The following PLEKHA8 variants were observed in gnomAD, a reference collection of about 807,000 sequenced individuals.
PLEKHA8 encodes pleckstrin homology domain containing A8.
In PLEKHA8, 36 loss-of-function variants were observed where a neutral mutation model predicts 68.2. The ratio of observed to expected loss-of-function variants is 0.53; its 90% CI spans 0.40 to 0.70. The LOEUF (loss-of-function observed/expected upper bound fraction) is 0.70. PLEKHA8 is among the 30% of genes least tolerant of loss of function. PLEKHA8 has a pLI of 0.00. For missense variants in PLEKHA8, 505 were observed against 615.4 expected, an observed-to-expected ratio of 0.82 and a Z score of 1.90; for synonymous variants, 211 against 216.1, an observed-to-expected ratio of 0.98 and a Z score of 0.20.
intron 1 of PLEKHA8, among the ~76,000 whole-genome samples, chr7:30,032,232 A>G (rs887747146): frequency 2.6e-5 from 4 of 152,180 alleles, no homozygotes; most frequent in Non-Finnish European, 5.9e-5. Flanking sequence ...ACACATTAAT[A>G]CTCTAGAACG....
In PLEKHA8 at chr7:30,080,184, T is replaced by C. The variant is rs1794852654; in HGVS notation, c.*1397T>C. ...AAAGATGAGACTTAAGAAAACAGTTTCTTAAACTTCTTAAAACTTAAGAAA... is the reference window on the plus strand; with the variant it reads ...AAAGATGAGACTTAAGAAAACAGTTCCTTAAACTTCTTAAAACTTAAGAAA... On this transcript the variant is annotated 3_prime_UTR_variant, in exon 14 of 14. Transcript: ENST00000449726. 1.0e-6 allele frequency: 1 copy of C among 985,200 alleles called. No homozygotes were observed. Among genetic ancestry groups the C allele is most frequent in the African/African-American group, 1.7e-5 (1 of 57,232 alleles). 61.0% of individuals were successfully genotyped at this position (985,200 alleles called of 1,614,324 possible). A position where few individuals can be genotyped will look rare whatever the true frequency, so the allele number is the denominator to read the frequency against.
intron 13 of PLEKHA8, among the ~76,000 whole-genome samples, chr7:30,128,473 T>C (rs995056367): frequency 1.3e-5 from 2 of 152,272 alleles, no homozygotes; most frequent in Non-Finnish European, 2.9e-5. Flanking sequence ...TTGATTCCTA[T>C]ATTCACATTG....
chr7:30,052,520 G>T lies in PLEKHA8; in HGVS notation c.639-189G>T, dbSNP rs145407303. ...GCATGGTGGCAGGCACCTGTAGTCC[G>T]AGCTACTCAGGGTGGAGTGCTGGGC... On this transcript the variant is annotated intron_variant, in intron 6 of 13. Transcript: ENST00000449726. Among the ~76,000 whole-genome samples the T allele has an allele frequency of 1.4e-3, 212 of 151,828 alleles. 1 individual carries two copies. The highest frequency in any genetic ancestry group is 4.9e-3 in the African/African-American group (203 of 41,396).
chr7:30,086,835 C>G (rs996322271), downstream of PLEKHA8, among the ~76,000 whole-genome samples: 31 of 152,190 alleles, frequency 2.0e-4, no homozygotes, highest in African/African-American at 6.8e-4. Flanking sequence ...GAGCACATGT[C>G]CTGTGTGTGT....
intron 6 of PLEKHA8, among the ~76,000 whole-genome samples, chr7:30,051,923 A>G (rs1562865266): frequency 6.6e-6 from 1 of 152,178 alleles, no homozygotes; most frequent in South Asian, 2.1e-4. Flanking sequence ...CAGTGAGCCA[A>G]GATCACACCA....
At chr7:30,062,615 A>T in intron 11 of PLEKHA8, 57 bp from the exon 12 acceptor site, 2 of 1,268,000 alleles carry the variant, frequency 1.6e-6, no homozygotes, top group Non-Finnish European at 1.1e-6. Flanking sequence ...ATTTCTTTAT[A>T]CCCACTCAAC....
chr7:30,051,611 GT>G (rs1792414837), intron 6 of PLEKHA8, among the ~76,000 whole-genome samples: 1 of 152,174 alleles, frequency 6.6e-6, no homozygotes, highest in South Asian at 2.1e-4. Context: ...TTACCCTAAT[GT>G]GCTGACATTT....
chr7:30,089,774 T>A (rs1181631011), intron 12 of PLEKHA8, among the ~76,000 whole-genome samples: 1 of 151,920 alleles, frequency 6.6e-6, no homozygotes, highest in Non-Finnish European at 1.5e-5. Context: ...TTAGAAAACA[T>A]GAACTCAATA....
chr7:30,071,155 G>A (rs780052086), intron 12 of PLEKHA8, among the ~76,000 whole-genome samples: 3 of 151,974 alleles, frequency 2.0e-5, no homozygotes, highest in Non-Finnish European at 4.4e-5. Flanking sequence ...TTTCAACAAC[G>A]GACATCAATC....
At position 30,079,788 on chromosome 7, in the gene PLEKHA8, A is replaced by G. The variant is rs1794831153; in HGVS notation, c.*1001A>G. On this transcript the variant is annotated 3_prime_UTR_variant, in exon 14 of 14. Transcript: ENST00000449726. The stretch of plus-strand genomic sequence containing the variant: ...TAGGTGGTGGGACATAGGAATCTGC[A>G]TTTCAGTAAACTTTACACGTGATTC... 16 of 835,768 alleles carry G rather than the reference A, an allele frequency of 1.9e-5. No homozygotes were observed. Among genetic ancestry groups the G allele is most frequent in the Middle Eastern group, 6.2e-4 (1 of 1,618 alleles). 51.8% of individuals were successfully genotyped at this position (835,768 alleles called of 1,614,324 possible). A position where few individuals can be genotyped will look rare whatever the true frequency, so the allele number is the denominator to read the frequency against.
chr7:30,116,063 TAC>T (rs1796523804), intron 13 of PLEKHA8: 1 of 143,234 alleles, frequency 7.0e-6, no homozygotes, highest in South Asian at 2.2e-4. Flanking sequence ...TACGTATGCA[TAC>T]GTATACATGT....
At position 30,047,821 on chromosome 7, in the gene PLEKHA8, T is replaced by G; in HGVS notation, c.314-11T>G. 1 of 1,608,106 alleles carries G rather than the reference T, an allele frequency of 6.2e-7. No individual in the cohort carries two copies. Among genetic ancestry groups the G allele is most frequent in the Non-Finnish European group, 8.5e-7 (1 of 1,176,654 alleles). The stretch of plus-strand genomic sequence containing the variant: ...TTCTGGTTACTGCATTATCATCATT[T>G]TGTCATTTAGAGTTTGCTGAAAACA... On this transcript the variant is annotated splice_polypyrimidine_tract_variant and intron_variant, in intron 3 of 13. Coordinates refer to ENST00000449726, the MANE Select transcript of PLEKHA8 (RefSeq NM_001197026.2).
Position 30,083,506 on chromosome 7 carries a change from A to G in PLEKHA8, c.*4719A>G. The G allele has an allele frequency of 1.0e-6, 1 of 985,272 alleles. No individual in the cohort carries two copies. Among genetic ancestry groups the G allele is most frequent in the Non-Finnish European group, 1.2e-6 (1 of 829,854 alleles). 61.0% of individuals were successfully genotyped at this position (985,272 alleles called of 1,614,324 possible). A position where few individuals can be genotyped will look rare whatever the true frequency, so the allele number is the denominator to read the frequency against. ...AGTCCTGTGTACAGTGACTATTTGCATGATTTCTCATTGCACTGCTGCATT... is the reference window on the plus strand; with the variant it reads ...AGTCCTGTGTACAGTGACTATTTGCGTGATTTCTCATTGCACTGCTGCATT... On this transcript the variant is annotated 3_prime_UTR_variant, in exon 14 of 14. Transcript: ENST00000449726.
At chr7:30,111,171 T>A (rs1796261972) in intron 13 of PLEKHA8, among the ~76,000 whole-genome samples, 1 of 152,180 alleles carries the variant, frequency 6.6e-6, no homozygotes. Flanking sequence ...CCCAAAGCAC[T>A]GGATTACACG....
At chr7:30,099,999 C>A (rs1404989322) in intron 13 of PLEKHA8, among the ~76,000 whole-genome samples, 1 of 152,294 alleles carries the variant, frequency 6.6e-6, no homozygotes, top group East Asian at 1.9e-4. Context: ...AGGGATCCTT[C>A]CTTACCTCTT....
At chr7:30,068,246 A>G (rs1015552345) in intron 12 of PLEKHA8, among the ~76,000 whole-genome samples, 8 of 152,234 alleles carry the variant, frequency 5.3e-5, no homozygotes, top group Non-Finnish European at 8.8e-5. Context: ...TGGAGACTAC[A>G]CTGGGAATTG....
chr7:30,056,724 CAAAA>C (rs1195453987), intron 9 of PLEKHA8, among the ~76,000 whole-genome samples: 1 of 39,890 alleles, frequency 2.5e-5, no homozygotes, highest in Non-Finnish European at 4.4e-5. Flanking sequence ...CAGCCTGTCT[CAAAA>C]AAAAAAAAAA....
chr7:30,120,054 G>A (rs1796669808), intron 13 of PLEKHA8, among the ~76,000 whole-genome samples: 1 of 151,532 alleles, frequency 6.6e-6, no homozygotes, highest in Non-Finnish European at 1.5e-5. Context: ...AGTCTTCTCT[G>A]TGCTATCAAA....
At position 30,078,716 on chromosome 7, in the gene PLEKHA8, A is replaced by G. The variant is rs768276135; in HGVS notation, c.1489A>G (p.Met497Val). 2 of 1,613,850 alleles carry G rather than the reference A, an allele frequency of 1.2e-6. No homozygotes were observed. Among genetic ancestry groups the G allele is most frequent in the Non-Finnish European group, 1.7e-6 (2 of 1,179,816 alleles). Reference protein sequence around the residue: ...QRDLSLYLPAMEKQLAILDTL... With the variant: ...QRDLSLYLPAVEKQLAILDTL... ...GGACCTCAGCCTTTACCTCCCTGCC[A>G]TGGAGAAGCAGCTGGCCATACTGGA... The change falls in exon 14 of 14, where the codon ATG becomes GTG. Residue 497 changes from methionine (M) to valine (V), a missense_variant. Transcript: ENST00000449726.
Sources: gnomAD v4.1 joint callset for allele counts (sites outside exome capture counted in the v4.1 genomes callset) on GRCh38, gnomAD v4.1.1 for gene constraint, MANE v1.5 for transcripts, NCBI Gene and HGNC (gene_info 2026-07-23, HGNC 2026-07-21) for gene names.